Variants in SIRPB1 observed in about 807,000 individuals in gnomAD.
The protein encoded by SIRPB1 is signal regulatory protein beta 1, also known as signal-regulatory protein beta-1.
SIRPB1 carries 28 observed loss-of-function variants against 34.1 expected under a neutral mutation model. That is an observed-to-expected ratio of 0.82 (90% CI 0.61 to 1.12). The LOEUF (loss-of-function observed/expected upper bound fraction) is 1.12, where lower values mean the gene tolerates loss of function less well. Ranked by LOEUF, SIRPB1 falls within the 50% of genes most tolerant of loss-of-function variation. The probability of loss-of-function intolerance (pLI) is 0.00; values close to 1 mark genes in which losing one functional copy is unlikely to be tolerated. For synonymous variants in SIRPB1, 211 were observed against 203.8 expected, an observed-to-expected ratio of 1.04 and a Z score of -0.30; for missense variants, 499 against 507.0, an observed-to-expected ratio of 0.98 and a Z score of 0.15.
chr20:1,570,456 C>A, intron 4 of SIRPB1: 1 of 193,032 alleles, frequency 5.2e-6, no homozygotes, highest in Non-Finnish European at 1.1e-5. Context: ...AGGTGCTGTG[C>A]TGGCGAGAAA....
chr20:1,565,727 G>C (rs17721235), intron 5 of SIRPB1, among the ~76,000 whole-genome samples: 162 of 150,646 alleles, frequency 1.1e-3, no homozygotes, highest in Non-Finnish European at 1.9e-3. Context: ...CAAGCACACA[G>C]AAGGTCAGAG....
intron 1 of SIRPB1, 123 bp downstream of exon 1, chr20:1,619,746 G>T: frequency 1.5e-6 from 1 of 670,042 alleles, no homozygotes; most frequent in Non-Finnish European, 2.5e-6. Context: ...TCTGCTCTCA[G>T]TCAAAGCCTA....
At position 1,590,221 on chromosome 20, in the gene SIRPB1, A is replaced by G. The variant is rs1285828830; in HGVS notation, c.77-11527T>C. ...TTTAGGTCCTTCATCTGTTATTGTC[A>G]AATGAAATGTAAAGGTTATCATATT... On this transcript the variant is annotated intron_variant, in intron 1 of 5. Transcript: ENST00000381605. Among the ~76,000 whole-genome samples, 6 of 49,166 alleles carry G rather than the reference A, an allele frequency of 1.2e-4. 2 individuals carry two copies. The highest frequency in any genetic ancestry group is 1.6e-4 in the Non-Finnish European group (4 of 25,450). 32.3% of individuals were successfully genotyped at this position (49,166 alleles called of 152,430 possible). A position where few individuals can be genotyped will look rare whatever the true frequency, so the allele number is the denominator to read the frequency against.
rs1328807900 is a variant in SIRPB1, at chr20:1,585,371, T to C, written c.77-6677A>G. On this transcript the variant is annotated intron_variant, in intron 1 of 5. Coordinates refer to ENST00000381605, the MANE Select transcript of SIRPB1 (RefSeq NM_006065.5). Reference sequence around the variant, plus strand: ...TGATGAAGAGTTAATATGCAAAATATATAAGGAAGTCAAACAACTCACTCA... The same window carrying C: ...TGATGAAGAGTTAATATGCAAAATACATAAGGAAGTCAAACAACTCACTCA... Among the ~76,000 whole-genome samples the C allele has an allele frequency of 8.2e-4, 40 of 48,940 alleles. 14 individuals carry two copies. Among genetic ancestry groups the C allele is most frequent in the Admixed American group, 5.5e-3 (40 of 7,286 alleles). 32.1% of individuals were successfully genotyped at this position (48,940 alleles called of 152,430 possible).
chr20:1,568,872 C>A (rs1264476062), intron 4 of SIRPB1, among the ~76,000 whole-genome samples: 31 of 146,676 alleles, frequency 2.1e-4, no homozygotes, highest in Non-Finnish European at 4.3e-4. Flanking sequence ...AACACAAAAA[C>A]AATACAAAAA....
At chr20:1,568,359 G>C (rs1205013137) in intron 4 of SIRPB1, among the ~76,000 whole-genome samples, 1 of 152,180 alleles carries the variant, frequency 6.6e-6, no homozygotes, top group Non-Finnish European at 1.5e-5. Flanking sequence ...TTGCCTGCCA[G>C]CCTAGACAAC....
rs1420320548 is a variant in SIRPB1, at chr20:1,561,587, A to G, written c.*3913T>C. On this transcript the variant is annotated 3_prime_UTR_variant, in exon 6 of 6. Transcript: ENST00000381605. ...GGAGTTCTGGGCCCGATGTTGCAGA[A>G]TGCCTCCTTATTGAAATTTGTCTGA... Among the ~76,000 whole-genome samples the G allele has an allele frequency of 6.6e-6, 1 of 152,088 alleles. No individual in the cohort carries two copies. Among genetic ancestry groups the G allele is most frequent in the Non-Finnish European group, 1.5e-5 (1 of 68,040 alleles).
At position 1,611,613 on chromosome 20, in the gene SIRPB1, C is replaced by G. The variant is rs546837154; in HGVS notation, c.76+8256G>C. 3 of 1,265,886 alleles carry G rather than the reference C, an allele frequency of 2.4e-6. 1 individual carries two copies. The highest frequency in any genetic ancestry group is 3.2e-6 in the Non-Finnish European group (3 of 943,146). 78.4% of individuals were successfully genotyped at this position (1,265,886 alleles called of 1,614,324 possible). A position where few individuals can be genotyped will look rare whatever the true frequency, so the allele number is the denominator to read the frequency against. On this transcript the variant is annotated intron_variant, in intron 1 of 5. Coordinates refer to ENST00000381605, the MANE Select transcript of SIRPB1 (RefSeq NM_006065.5). ...ACCACTGGATGGGCCCCACAGGGAT[C>G]AGGGAAGTCACAGTGCAGTGCAGAG...
rs2091448799 is a variant in SIRPB1 at position 1,593,568 on chromosome 20, T to G, written c.77-14874A>C. On this transcript the variant is annotated intron_variant, in intron 1 of 5. Coordinates refer to ENST00000381605, the MANE Select transcript of SIRPB1 (RefSeq NM_006065.5). ...TATCTGTAAATTGTGTTGTAGGTAC[T>G]ATAGACTTAGTGGAGTCTCTTAATC... Among the ~76,000 whole-genome samples, 2 of 49,128 alleles carry G rather than the reference T, an allele frequency of 4.1e-5. 1 individual carries two copies. The highest frequency in any genetic ancestry group is 2.7e-4 in the African/African-American group (2 of 7,520). The allele number at this position is 49,128 out of a possible 152,430, so 32.2% of individuals were successfully genotyped here.
chr20:1,618,760 A>G (rs1260152476), intron 1 of SIRPB1, among the ~76,000 whole-genome samples: 2 of 152,202 alleles, frequency 1.3e-5, no homozygotes, highest in African/African-American at 4.8e-5. Context: ...GGGAGCTGTG[A>G]GCAGGGTTCT....
At position 1,566,240 on chromosome 20, in the gene SIRPB1, A is replaced by T. The variant is rs140560100; in HGVS notation, c.1112T>A (p.Leu371His). ...GGGGCCCAGGAGGAGAGCTACGAGG[A>T]GTGGAGCAGTAGGAGCCAGCGCTGC... The part of the protein sequence containing the change: ...HEAALAPTAP[L>H]LVALLLGPKL... The change falls in exon 5 of 6, where the codon CTC (leucine) becomes CAC (histidine). Residue 371 changes from leucine (L) to histidine (H), a missense_variant. Physicochemically the swap from Leu to His is moderately conservative, Grantham distance 99. Coordinates refer to ENST00000381605, the MANE Select transcript of SIRPB1 (RefSeq NM_006065.5). 538 of 1,610,076 alleles carry T rather than the reference A, an allele frequency of 3.3e-4. 1 individual carries two copies. The African/African-American group carries it at 6.7e-3, about 20-fold the overall frequency.
chr20:1,571,161 T>G (rs1480491252), intron 3 of SIRPB1, 24 bp from the exon 4 acceptor site: 1 of 1,598,250 alleles, frequency 6.3e-7, no homozygotes, highest in Admixed American at 1.7e-5. Flanking sequence ...GGGCAGAAGC[T>G]CTGATCTTGT....
rs2091442169 is a variant in SIRPB1, at chr20:1,591,606, T to A, written c.77-12912A>T. 4.0e-5 allele frequency: 2 copies of A among 50,256 alleles called. 1 individual carries two copies. The highest frequency in any genetic ancestry group is 7.7e-5 in the Non-Finnish European group (2 of 25,810). 3.1% of individuals were successfully genotyped at this position (50,256 alleles called of 1,614,324 possible). A position where few individuals can be genotyped will look rare whatever the true frequency, so the allele number is the denominator to read the frequency against. On this transcript the variant is annotated intron_variant, in intron 1 of 5. Coordinates refer to ENST00000381605, the MANE Select transcript of SIRPB1 (RefSeq NM_006065.5). The stretch of plus-strand genomic sequence containing the variant: ...TGTGTGGCCTGTGTGGTGACAATGA[T>A]CTCGTTGTCAGGTGGCTTTTGGGCA...
chr20:1,562,438 C>T lies in SIRPB1; in HGVS notation c.*3062G>A, dbSNP rs1439571415. Reference sequence around the variant, plus strand: ...AACTGAGGATACAGATAATCCTCCCCCACCCCCAACCCCCCACGATATAAC... The same window carrying T: ...AACTGAGGATACAGATAATCCTCCCTCACCCCCAACCCCCCACGATATAAC... On this transcript the variant is annotated 3_prime_UTR_variant, in exon 6 of 6. Transcript: ENST00000381605. 6.6e-6 allele frequency among the ~76,000 whole-genome samples: 1 copy of T among 151,932 alleles called. No individual in the cohort carries two copies. The highest frequency in any genetic ancestry group is 1.5e-5 in the Non-Finnish European group (1 of 67,998).
intron 5 of SIRPB1, among the ~76,000 whole-genome samples, chr20:1,565,895 G>T (rs2091122314): frequency 6.6e-6 from 1 of 151,918 alleles, no homozygotes; most frequent in Non-Finnish European, 1.5e-5. Context: ...GGACTCCTAG[G>T]CCACTGGGGA....
rs190781930 is a variant in SIRPB1, at chr20:1,573,011, C to G, written c.434-974G>C. Among the ~76,000 whole-genome samples the G allele has an allele frequency of 1.4e-3, 206 of 147,940 alleles. 19 individuals are homozygous for G. The highest frequency in any genetic ancestry group is 5.1e-3 in the Admixed American group (76 of 14,970). On this transcript the variant is annotated intron_variant, in intron 2 of 5. Coordinates refer to ENST00000381605, the MANE Select transcript of SIRPB1 (RefSeq NM_006065.5). ...AAAAACAACCTTTTGTGAAAATCCC[C>G]TATAAAAAACCTGTCCTGTATTGCC... is the stretch of plus-strand genomic sequence containing the variant.
rs1395430351 is a variant in SIRPB1 at position 1,617,989 on chromosome 20, G to GTA, written c.76+1878_76+1879dup. ...CAAATATATATACACACACATATAT[G>GTA]TATATATACACACACACACATATAT... On this transcript the variant is annotated intron_variant, in intron 1 of 5. Transcript: ENST00000381605. 2.6e-5 allele frequency among the ~76,000 whole-genome samples: 4 copies of GTA among 151,580 alleles called. No individual in the cohort carries two copies. The East Asian group carries it at 5.8e-4, about 22-fold the overall frequency.
intron 4 of SIRPB1, among the ~76,000 whole-genome samples, chr20:1,568,531 C>A (rs2122173641): frequency 6.6e-6 from 1 of 152,304 alleles, no homozygotes; most frequent in South Asian, 2.1e-4. Flanking sequence ...CATCCTGTGC[C>A]TCCTTGAGAA....
At chr20:1,618,388 G>GT (rs1219456395) in intron 1 of SIRPB1, among the ~76,000 whole-genome samples, 1 of 152,216 alleles carries the variant, frequency 6.6e-6, no homozygotes, top group Non-Finnish European at 1.5e-5. Context: ...ACTGACTGAG[G>GT]TAGGGGACAA....
Sources: gnomAD v4.1 joint callset for allele counts (sites outside exome capture counted in the v4.1 genomes callset) on GRCh38, gnomAD v4.1.1 for gene constraint, MANE v1.5 for transcripts, NCBI Gene and HGNC (gene_info 2026-07-23, HGNC 2026-07-21) for gene names.